FGF12: variants seen among roughly 807,000 people sequenced by gnomAD.
FGF12 encodes fibroblast growth factor 12B.
FGF12 carries 14 observed loss-of-function variants against 23.6 expected under a neutral mutation model. The ratio of observed to expected loss-of-function variants is 0.59; its 90% CI spans 0.39 to 0.93. The LOEUF (loss-of-function observed/expected upper bound fraction) is 0.93, where lower values mean the gene tolerates loss of function less well. Among genes scored for constraint, FGF12 ranks in the 40% least tolerant of loss-of-function variants. The pLI, the probability that FGF12 is intolerant of heterozygous loss-of-function variation, is 0.00. For synonymous variants in FGF12, 62 were observed against 77.3 expected, an observed-to-expected ratio of 0.80 and a Z score of 1.04; for missense variants, 175 against 217.8, an observed-to-expected ratio of 0.80 and a Z score of 1.24.
chr3:192,258,072 GT>G (rs1196354940), intron 4 of FGF12, among the ~76,000 whole-genome samples: 9 of 151,442 alleles, frequency 5.9e-5, no homozygotes, highest in Admixed American at 5.9e-4. Flanking sequence ...AGTAAAGGTT[GT>G]TTTTGTTTGT....
intron 2 of FGF12, among the ~76,000 whole-genome samples, chr3:192,393,016 G>A (rs3106408): frequency 0.68 from 103,265 of 152,150 alleles, 36,895 homozygotes; most frequent in African/African-American, 0.91. Context: ...CAAATTTCCC[G>A]AAGGTTCATA....
chr3:192,694,088 G>A (rs1333140190), intron 2 of FGF12, among the ~76,000 whole-genome samples: 1 of 152,092 alleles, frequency 6.6e-6, no homozygotes, highest in Non-Finnish European at 1.5e-5. Context: ...AAATAGGTGA[G>A]AGACCTGAAT....
At chr3:192,425,599 GTT>G (rs987871008) in intron 2 of FGF12, among the ~76,000 whole-genome samples, 22 of 152,274 alleles carry the variant, frequency 1.4e-4, no homozygotes, top group African/African-American at 5.1e-4. Flanking sequence ...AATGAACAGT[GTT>G]TGGAGAGTGT....
intron 2 of FGF12, among the ~76,000 whole-genome samples, chr3:192,573,793 C>T (rs750637122): frequency 5.9e-5 from 9 of 152,266 alleles, no homozygotes; most frequent in African/African-American, 1.9e-4. Flanking sequence ...ATTTCAAAAG[C>T]GGTCTGAGTT....
intron 2 of FGF12, among the ~76,000 whole-genome samples, chr3:192,364,488 C>T (rs1362323661): frequency 6.6e-6 from 1 of 152,122 alleles, no homozygotes; most frequent in Non-Finnish European, 1.5e-5. Context: ...TTTTTCTGGG[C>T]ACCCAGCTAG....
In FGF12 at chr3:192,360,589, C is replaced by A. The variant is rs749824539; in HGVS notation, c.14-51G>T. On this transcript the variant is annotated intron_variant, in intron 2 of 5. Coordinates refer to ENST00000445105, the MANE Select transcript of FGF12 (RefSeq NM_004113.6). This position sits in a 1 kb window ranked among gnomAD's most constrained non-coding sequence, Gnocchi z 4.3. ...TTTTTATTTGGCTTACACAAATGCA[C>A]ACTTACAGATTGTTAAAAACATCCT... The A allele has an allele frequency of 1.6e-6, 2 of 1,227,768 alleles. No homozygotes were observed. The highest frequency in any genetic ancestry group is 2.4e-5 in the South Asian group (2 of 83,002). The allele number at this position is 1,227,768 out of a possible 1,614,324, so 76.1% of individuals were successfully genotyped here. A position where few individuals can be genotyped will look rare whatever the true frequency, so the allele number is the denominator to read the frequency against.
intron 4 of FGF12, among the ~76,000 whole-genome samples, chr3:192,310,037 T>C (rs1715853618): frequency 6.6e-6 from 1 of 152,174 alleles, no homozygotes; most frequent in African/African-American, 2.4e-5. Context: ...TCTCATCTGA[T>C]TCAATGAGTG....
chr3:192,678,282 C>T (rs1208880688), intron 2 of FGF12, among the ~76,000 whole-genome samples: 2 of 152,188 alleles, frequency 1.3e-5, no homozygotes, highest in Non-Finnish European at 2.9e-5. Context: ...TACTCAAATT[C>T]ACCCAGCTAA....
Position 192,567,790 on chromosome 3 carries a change from T to TTTCTTTCTTTC in FGF12, c.13+159380_13+159390dup, listed in dbSNP as rs1712398199. On this transcript the variant is annotated intron_variant, in intron 2 of 5. Transcript: ENST00000445105. ...CTTTCTTTCTTTCTTTCTTTCTTTC[T>TTTCTTTCTTTC]TTCTTTCTTTCTCTTTCTTTCTTTC... 9.6e-5 allele frequency among the ~76,000 whole-genome samples: 13 copies of TTTCTTTCTTTC among 135,710 alleles called. No individual in the cohort carries two copies. The South Asian group carries it at 3.2e-3, about 34-fold the overall frequency. 89.0% of individuals were successfully genotyped at this position (135,710 alleles called of 152,430 possible). A position where few individuals can be genotyped will look rare whatever the true frequency, so the allele number is the denominator to read the frequency against.
At chr3:192,362,559 C>T (rs1398648915) in intron 2 of FGF12, among the ~76,000 whole-genome samples, 1 of 152,176 alleles carries the variant, frequency 6.6e-6, no homozygotes, top group Non-Finnish European at 1.5e-5. Context: ...TGACAGGCAG[C>T]TTCTGATGTG....
At chr3:192,368,000 A>T (rs779736628) in intron 2 of FGF12, among the ~76,000 whole-genome samples, 3 of 152,198 alleles carry the variant, frequency 2.0e-5, no homozygotes, top group African/African-American at 4.8e-5. Context: ...TTTATTTTTT[A>T]AAAATGAATA....
chr3:192,179,126 G>T (rs1716024174), intron 4 of FGF12, among the ~76,000 whole-genome samples: 1 of 151,712 alleles, frequency 6.6e-6, no homozygotes, highest in South Asian at 2.1e-4. Flanking sequence ...CTGACAAGAG[G>T]CAAAGAAAAT....
At chr3:192,495,611 A>G (rs1337506945) in intron 2 of FGF12, among the ~76,000 whole-genome samples, 2 of 152,218 alleles carry the variant, frequency 1.3e-5, no homozygotes, top group Admixed American at 1.3e-4. Context: ...CAAAATTCAC[A>G]TAGTTTTTAA....
At chr3:192,531,049 T>G (rs1042356048) in intron 2 of FGF12, among the ~76,000 whole-genome samples, 3 of 152,198 alleles carry the variant, frequency 2.0e-5, no homozygotes, top group Non-Finnish European at 4.4e-5. Context: ...TGACCTCAGG[T>G]GATGCACCCA....
At chr3:192,727,135 A>C (rs1719244994) in intron 2 of FGF12, 46 bp downstream of exon 2, 4 of 1,564,908 alleles carry the variant, frequency 2.6e-6, no homozygotes, top group Non-Finnish European at 3.5e-6. Flanking sequence ...TGCCTTGGCC[A>C]CACGCACATG....
At chr3:192,507,252 G>A (rs981159173) in intron 2 of FGF12, among the ~76,000 whole-genome samples, 1 of 151,712 alleles carries the variant, frequency 6.6e-6, no homozygotes, top group Non-Finnish European at 1.5e-5. Context: ...GTTGAGAGGG[G>A]GGTCCAGTCA....
In FGF12 at chr3:192,646,793, T is replaced by C. The variant is rs183942961; in HGVS notation, c.13+80388A>G. On this transcript the variant is annotated intron_variant, in intron 2 of 5. Coordinates refer to ENST00000445105, the MANE Select transcript of FGF12 (RefSeq NM_004113.6). ...GTGTTCTGGAATTTGATAATGGTGG[T>C]AGATGCACAACTCTACGAATATACT... is the stretch of plus-strand genomic sequence containing the variant. Among the ~76,000 whole-genome samples the C allele has an allele frequency of 4.6e-3, 701 of 152,218 alleles. 7 individuals carry two copies. Among genetic ancestry groups the C allele is most frequent in the African/African-American group, 0.016 (669 of 41,524 alleles).
intron 2 of FGF12, among the ~76,000 whole-genome samples, chr3:192,426,851 T>C (rs1278589981): frequency 6.6e-6 from 1 of 152,208 alleles, no homozygotes. Flanking sequence ...ATTTTAAATT[T>C]TAATTATTTA....
chr3:192,258,974 C>T (rs1247493226), intron 4 of FGF12, among the ~76,000 whole-genome samples: 3 of 152,154 alleles, frequency 2.0e-5, no homozygotes, highest in Non-Finnish European at 2.9e-5. Context: ...TGCACAGCAT[C>T]ACTATTACTT....
Sources: gnomAD v4.1 joint callset for allele counts (sites outside exome capture counted in the v4.1 genomes callset) on GRCh38, gnomAD v4.1.1 for gene constraint, Gnocchi (gnomAD v3.1) non-coding constraint, MANE v1.5 for transcripts, NCBI Gene and HGNC (gene_info 2026-07-23, HGNC 2026-07-21) for gene names.